SAMSN1: variants seen among roughly 807,000 people sequenced by gnomAD.
SAMSN1 encodes the protein SAM domain, SH3 domain and nuclear localization signals 1.
A neutral mutation model predicts 42.0 loss-of-function variants in SAMSN1; 31 were observed. That is an observed-to-expected ratio of 0.74 (90% confidence interval 0.55 to 1.00). The LOEUF (loss-of-function observed/expected upper bound fraction) is 1.00, where lower values mean the gene tolerates loss of function less well. SAMSN1 is among the 50% of genes least tolerant of loss of function. The pLI, the probability that SAMSN1 is intolerant of heterozygous loss-of-function variation, is 0.00. For synonymous variants in SAMSN1, 178 were observed against 151.9 expected (o/e 1.17, Z -1.26); for missense variants, 464 against 439.4 (o/e 1.06, Z -0.50).
At chr21:14,640,583 AG>A (rs1983570500) in intron 2 of SAMSN1, among the ~76,000 whole-genome samples, 1 of 152,172 alleles carries the variant, frequency 6.6e-6, no homozygotes, top group South Asian at 2.1e-4. Context: ...ATTCTTCAAA[AG>A]CTGAGAAAGA....
At chr21:14,606,504 C>CT (rs986629668) in intron 5 of SAMSN1, among the ~76,000 whole-genome samples, 2 of 151,986 alleles carry the variant, frequency 1.3e-5, no homozygotes, top group Non-Finnish European at 2.9e-5. Flanking sequence ...CTTCTCAATT[C>CT]TTTTTTATAA....
intron 2 of SAMSN1, among the ~76,000 whole-genome samples, chr21:14,638,993 T>C (rs1983532109): frequency 6.6e-6 from 1 of 152,230 alleles, no homozygotes. Context: ...ATTTATTGAA[T>C]GACCACTATG....
chr21:14,485,902 G>A lies in SAMSN1; in HGVS notation c.*10C>T, dbSNP rs763253112. The A allele has an allele frequency of 1.9e-6, 3 of 1,607,830 alleles. No homozygotes were observed. In the South Asian group the frequency reaches 3.3e-5, roughly 18 times the overall value. Reference sequence around the variant, plus strand: ...AATGCATCTGTAGATATATAGTTGGGAATGCGTGTTCAGTCACTTGGCTCT... The same window carrying A: ...AATGCATCTGTAGATATATAGTTGGAAATGCGTGTTCAGTCACTTGGCTCT... On this transcript the variant is annotated 3_prime_UTR_variant, in exon 8 of 8. Transcript: ENST00000400566.
In SAMSN1 at chr21:14,516,898, C is replaced by T. The variant is rs1252599675; in HGVS notation, c.273G>A (p.Glu91=). 6.3e-6 allele frequency: 10 copies of T among 1,599,714 alleles called. No individual in the cohort carries two copies. Among genetic ancestry groups the T allele is most frequent in the Non-Finnish European group, 8.5e-6 (10 of 1,175,614 alleles). The change falls in exon 3 of 8, where the codon GAG becomes GAA. Residue 91 remains glutamate (E), a synonymous_variant. Coordinates refer to ENST00000400566, the MANE Select transcript of SAMSN1 (RefSeq NM_022136.5). ...VGKKYIKALS[E]EKDEEDGENA... Reference sequence around the variant, plus strand: ...ATTATCAGAGAATATTTACCTTTTCCTCAGAAAGGGCTTTGATGTACTTTT... The same window carrying T: ...ATTATCAGAGAATATTTACCTTTTCTTCAGAAAGGGCTTTGATGTACTTTT...
At chr21:14,574,324 A>G (rs1311786624) in intron 2 of SAMSN1, among the ~76,000 whole-genome samples, 3 of 152,198 alleles carry the variant, frequency 2.0e-5, no homozygotes, top group African/African-American at 7.2e-5. Flanking sequence ...GATCATAGGA[A>G]CTAATCTAAA....
intron 1 of SAMSN1, among the ~76,000 whole-genome samples, chr21:14,654,415 T>C (rs1315165330): frequency 6.6e-6 from 1 of 151,804 alleles, no homozygotes; most frequent in African/African-American, 2.4e-5. Context: ...AAATACAAAG[T>C]AGTGAGTGAA....
In SAMSN1 at chr21:14,582,545, T is replaced by G. The variant is rs201677006; in HGVS notation, c.-92-57A>C. ...GATTATAATTCTTCACATATAGGAA[T>G]TATTCTTCCATTTATATAAGAGAAA... is the stretch of plus-strand genomic sequence containing the variant. On this transcript the variant is annotated intron_variant, in intron 1 of 8. Coordinates refer to the SAMSN1 transcript ENST00000285670. 143 of 645,400 alleles carry G rather than the reference T, an allele frequency of 2.2e-4. 1 individual carries two copies. Among genetic ancestry groups the G allele is most frequent in the Non-Finnish European group, 4.8e-5 (18 of 372,242 alleles). 40.0% of individuals were successfully genotyped at this position (645,400 alleles called of 1,614,324 possible).
intron 3 of SAMSN1, among the ~76,000 whole-genome samples, chr21:14,516,440 G>A (rs114488542): frequency 1.9e-3 from 295 of 152,180 alleles, no homozygotes; most frequent in African/African-American, 6.9e-3. Flanking sequence ...TTGCCAGGCT[G>A]AAGTTCAGTG....
At chr21:14,549,097 G>A (rs756625545), upstream of SAMSN1, among the ~76,000 whole-genome samples, 66 of 152,132 alleles carry the variant, frequency 4.3e-4, no homozygotes, top group Non-Finnish European at 5.3e-4. Context: ...AGATTGAGGT[G>A]TATTTTTCGG....
At chr21:14,560,657 A>C (rs1172665112) in intron 2 of SAMSN1, among the ~76,000 whole-genome samples, 5 of 152,194 alleles carry the variant, frequency 3.3e-5, no homozygotes, top group Admixed American at 1.3e-4. Context: ...AACTGGAAGA[A>C]AGGTATATCT....
At chr21:14,518,234 T>C in intron 2 of SAMSN1, among the ~76,000 whole-genome samples, 1 of 152,246 alleles carries the variant, frequency 6.6e-6, no homozygotes, top group Non-Finnish European at 1.5e-5. Context: ...ATCCTGTTTA[T>C]TGGCCCTGAT....
chr21:14,605,011 C>T (rs542365493), intron 5 of SAMSN1, among the ~76,000 whole-genome samples: 4 of 152,310 alleles, frequency 2.6e-5, no homozygotes, highest in African/African-American at 9.6e-5. Context: ...CATGCATGAA[C>T]TACATGGTAG....
chr21:14,541,915 C>T (rs1980060009), intron 1 of SAMSN1, among the ~76,000 whole-genome samples: 1 of 151,102 alleles, frequency 6.6e-6, no homozygotes, highest in Non-Finnish European at 1.5e-5. Flanking sequence ...GTCACATAAG[C>T]TCAGGCATGC....
intron 2 of SAMSN1, among the ~76,000 whole-genome samples, chr21:14,562,482 G>T (rs1980977455): frequency 6.6e-6 from 1 of 151,336 alleles, no homozygotes; most frequent in African/African-American, 2.4e-5. Context: ...CTTATTTAGT[G>T]ATGGGAATGT....
upstream of SAMSN1, among the ~76,000 whole-genome samples, chr21:14,584,626 A>G (rs940911521): frequency 6.6e-6 from 1 of 152,200 alleles, no homozygotes; most frequent in Non-Finnish European, 1.5e-5. Context: ...GTTCTGTTGA[A>G]TTCACTAGAT....
rs1171470354 is a variant in SAMSN1, at chr21:14,577,315, G to T, written c.261+4821C>A. ...TTTTTAGAAGAGACAGGGTTTTACT[G>T]TGTTAGCCAGGATGGTCTCGATCTC... On this transcript the variant is annotated intron_variant, in intron 2 of 8. Transcript: ENST00000285670. Among the ~76,000 whole-genome samples, 5 of 123,292 alleles carry T rather than the reference G, an allele frequency of 4.1e-5. No homozygotes were observed. The East Asian group carries it at 1.2e-3, about 29-fold the overall frequency. The allele number at this position is 123,292 out of a possible 152,430, so 80.9% of individuals were successfully genotyped here. A position where few individuals can be genotyped will look rare whatever the true frequency, so the allele number is the denominator to read the frequency against.
At chr21:14,655,773 T>C (rs1050404441) in intron 1 of SAMSN1, among the ~76,000 whole-genome samples, 1 of 151,734 alleles carries the variant, frequency 6.6e-6, no homozygotes, top group African/African-American at 2.4e-5. Context: ...GTCAATATTA[T>C]GGAAGCTAAA....
intron 4 of SAMSN1, among the ~76,000 whole-genome samples, chr21:14,511,937 T>C (rs1157667097): frequency 1.3e-5 from 2 of 151,944 alleles, no homozygotes; most frequent in Non-Finnish European, 2.9e-5. Flanking sequence ...TAAATGTCAG[T>C]AAAAGTAAAT....
At chr21:14,491,187 A>C (rs1158066297) in intron 7 of SAMSN1, among the ~76,000 whole-genome samples, 3 of 152,204 alleles carry the variant, frequency 2.0e-5, no homozygotes, top group Non-Finnish European at 4.4e-5. Flanking sequence ...TTACCCCAAA[A>C]TATGCTGCTC....
Sources: allele counts gnomAD v4.1 joint callset (sites outside exome capture counted in the v4.1 genomes callset), GRCh38; gene constraint gnomAD v4.1.1; transcripts MANE v1.5; gene names NCBI Gene and HGNC (gene_info 2026-07-23, HGNC 2026-07-21).